Variants in BSG observed in about 807,000 individuals in gnomAD.
BSG encodes the protein basigin (Ok blood group).
A neutral mutation model predicts 43.1 loss-of-function variants in BSG; 37 were observed. The observed-to-expected ratio is 0.86, with a 90% CI of 0.66 to 1.13. BSG has a LOEUF of 1.13. BSG is among the 50% of genes most tolerant of loss of function. The pLI is 0.00. For missense variants in BSG, 599 were observed against 554.2 expected, an observed-to-expected ratio of 1.08 and a Z score of -0.81; for synonymous variants, 309 against 238.7, an observed-to-expected ratio of 1.29 and a Z score of -2.72.
rs2229662 is a variant in BSG, at chr19:579,610, G to A, written c.526G>A (p.Val176Met). 75 of 1,612,390 alleles carry A rather than the reference G, an allele frequency of 4.7e-5. No homozygotes were observed. Among genetic ancestry groups the A allele is most frequent in the African/African-American group, 1.3e-4 (10 of 74,932 alleles). The change falls in exon 3 of 9, where the codon GTG becomes ATG. Residue 176 changes from valine to methionine, a missense_variant. By Grantham distance (21) the Val-to-Met change is conservative. Transcript: ENST00000333511. Reference sequence around the variant, plus strand: ...AGGGCACCGCTGGCTGAAGGGGGGCGTGGTGCTGAAGGAGGACGCGCTGCC... The same window carrying A: ...AGGGCACCGCTGGCTGAAGGGGGGCATGGTGCTGAAGGAGGACGCGCTGCC... ...VTGHRWLKGG[V>M]VLKEDALPGQ...
upstream of BSG, chr19:571,729 A>C (rs1307531829): frequency 1.5e-6 from 1 of 686,630 alleles, no homozygotes; most frequent in Non-Finnish European, 2.7e-6. Flanking sequence ...CGTGGGATGC[A>C]ATCTCCAGAG....
chr19:575,537 T>G (rs1294823459), intron 1 of BSG, among the ~76,000 whole-genome samples: 73 of 74,228 alleles, frequency 9.8e-4, no homozygotes, highest in Admixed American at 2.1e-3. Context: ...CCGGTGGGGG[T>G]GGGTGGGGGA....
chr19:576,166 C>T (rs1981754853), intron 1 of BSG, among the ~76,000 whole-genome samples: 1 of 152,354 alleles, frequency 6.6e-6, no homozygotes, highest in Middle Eastern at 3.4e-3. Context: ...GCGGGCCCCA[C>T]CTGGTCCTCC....
In BSG at chr19:582,597, AGCT is replaced by A; in HGVS notation, c.*5+16_*5+18del. 1 of 569,056 alleles carries A rather than the reference AGCT, an allele frequency of 1.8e-6. No homozygotes were observed. Among genetic ancestry groups the A allele is most frequent in the Non-Finnish European group, 2.4e-6 (1 of 413,918 alleles). The allele number at this position is 569,056 out of a possible 1,614,324, so 35.3% of individuals were successfully genotyped here. On this transcript the variant is annotated intron_variant, in intron 8 of 8. Transcript: ENST00000333511. ...TCCTGAGGCAGGTGCGGTGGGCGGG[AGCT>A]CCTCCTGAGCCAGGTGTGGTGGGTG...
rs943566935 is a variant in BSG at position 582,934 on chromosome 19, C to T, written c.*190C>T. The T allele has an allele frequency of 1.0e-5, 3 of 299,374 alleles. No individual in the cohort carries two copies. The highest frequency in any genetic ancestry group is 9.7e-5 in the Admixed American group (2 of 20,624). The allele number at this position is 299,374 out of a possible 1,614,324, so 18.5% of individuals were successfully genotyped here. ...AGGATTCTGTTCCTTAGGTTTTTTT[C>T]CTTCTGAAGTGTTTCACGAGAGCCC... On this transcript the variant is annotated 3_prime_UTR_variant, in exon 9 of 9. Transcript: ENST00000333511.
upstream of BSG, chr19:572,309 C>A: frequency 1.1e-6 from 1 of 874,754 alleles, no homozygotes; most frequent in Non-Finnish European, 1.4e-6. Flanking sequence ...CACCGCTCTG[C>A]GCTCATTGCA....
At chr19:582,209 G>T in intron 6 of BSG, 97 bp from the exon 7 acceptor site, 2 of 1,535,092 alleles carry the variant, frequency 1.3e-6, no homozygotes, top group Non-Finnish European at 8.8e-7. Flanking sequence ...TGAGGGCAGG[G>T]CTGGCAGCAC....
Position 580,787 on chromosome 19 carries a change from G to A in BSG, c.792+5G>A, listed in dbSNP as rs777800974. ...ATCACTGACTCTGAGGACAAGGTGA[G>A]AAGCCAAGGAGGCTGGGGGTCCTGG... On this transcript the variant is annotated splice_donor_5th_base_variant and intron_variant, in intron 5 of 8. Transcript: ENST00000333511. 2 of 1,612,752 alleles carry A rather than the reference G, an allele frequency of 1.2e-6. No individual in the cohort carries two copies. The highest frequency in any genetic ancestry group is 1.7e-6 in the Non-Finnish European group (2 of 1,179,936).
chr19:580,351 G>C, intron 3 of BSG, 28 bp from the exon 4 acceptor site: 1 of 1,605,052 alleles, frequency 6.2e-7, no homozygotes. Flanking sequence ...GAGCTGGTAC[G>C]CGGCTCACCT....
chr19:578,504 CTG>C lies in BSG; in HGVS notation c.415+387_415+388del, dbSNP rs369996586. Among the ~76,000 whole-genome samples the C allele has an allele frequency of 3.9e-5, 6 of 152,412 alleles. No individual in the cohort carries two copies. The South Asian group carries it at 1.2e-3, about 32-fold the overall frequency. On this transcript the variant is annotated intron_variant, in intron 2 of 8. Coordinates refer to ENST00000333511, the MANE Select transcript of BSG (RefSeq NM_001728.4). ...CCAGGCTTGCAGGTCTCAGAACCTT[CTG>C]TGTCCTTCGCAGCATCTCGTTCTAA... is the stretch of plus-strand genomic sequence containing the variant.
rs1229369202 is a variant in BSG, at chr19:583,482, C to G, written c.*738C>G. The G allele has an allele frequency of 1.3e-5, 2 of 152,214 alleles. No individual in the cohort carries two copies. Among genetic ancestry groups the G allele is most frequent in the African/African-American group, 4.8e-5 (2 of 41,398 alleles). 9.4% of individuals were successfully genotyped at this position (152,214 alleles called of 1,614,324 possible). On this transcript the variant is annotated 3_prime_UTR_variant, in exon 9 of 9. Transcript: ENST00000333511. ...ACCGCCACAATAAAGATCGCCCCCA[C>G]CTCCACCCTCACCCTCTCCTGGCTC... is the stretch of plus-strand genomic sequence containing the variant.
intron 1 of BSG, among the ~76,000 whole-genome samples, chr19:577,253 T>G (rs1262495142): frequency 6.6e-6 from 1 of 152,172 alleles, no homozygotes; most frequent in Non-Finnish European, 1.5e-5. Flanking sequence ...TCCGCCTCTC[T>G]CTGGGTCGCC....
intron 1 of BSG, among the ~76,000 whole-genome samples, chr19:574,356 A>G (rs912473216): frequency 3.9e-5 from 6 of 152,074 alleles, no homozygotes; most frequent in African/African-American, 9.7e-5. Flanking sequence ...GATCAAGACC[A>G]TCGTGGCTAA....
chr19:574,127 C>T lies in BSG; in HGVS notation c.67+1426C>T, dbSNP rs140055452. 2.7e-3 allele frequency among the ~76,000 whole-genome samples: 406 copies of T among 152,060 alleles called. 1 individual carries two copies. The highest frequency in any genetic ancestry group is 9.3e-3 in the African/African-American group (384 of 41,480). On this transcript the variant is annotated intron_variant, in intron 1 of 8. Transcript: ENST00000333511. The stretch of plus-strand genomic sequence containing the variant: ...AAAATTAGCTGGGCGTGTTGGCGCA[C>T]GCCTGTAATCCCAGCCACTCAGGAA...
At chr19:576,172 C>T (rs896177774) in intron 1 of BSG, among the ~76,000 whole-genome samples, 1 of 152,198 alleles carries the variant, frequency 6.6e-6, no homozygotes, top group Non-Finnish European at 1.5e-5. Flanking sequence ...CCCACCTGGT[C>T]CTCCTCACTT....
At chr19:581,700 AGCCCC>A in intron 6 of BSG, 109 bp downstream of exon 6, 1 of 1,375,202 alleles carries the variant, frequency 7.3e-7, no homozygotes, top group South Asian at 1.5e-5. Flanking sequence ...GGAACTGAGG[AGCCCC>A]AGGCAGGGAG....
intron 1 of BSG, among the ~76,000 whole-genome samples, chr19:577,073 G>T (rs937066929): frequency 1.3e-5 from 2 of 152,186 alleles, no homozygotes; most frequent in African/African-American, 4.8e-5. Context: ...CTTCCCCTTG[G>T]GCTGGGCTGT....
intron 1 of BSG, among the ~76,000 whole-genome samples, chr19:573,146 G>A (rs984123192): frequency 5.3e-5 from 8 of 152,170 alleles, no homozygotes; most frequent in African/African-American, 1.7e-4. Context: ...CCAGGAGAAG[G>A]GAGACCCAAA....
At chr19:579,797 C>T in intron 3 of BSG, 141 bp downstream of exon 3, 1 of 1,325,864 alleles carries the variant, frequency 7.5e-7, no homozygotes, top group Non-Finnish European at 1.0e-6. Flanking sequence ...CGCGCAGACC[C>T]CCAGAGGGAA....
Sources: allele counts gnomAD v4.1 joint callset (sites outside exome capture counted in the v4.1 genomes callset), GRCh38; gene constraint gnomAD v4.1.1; transcripts MANE v1.5; gene names NCBI Gene and HGNC (gene_info 2026-07-23, HGNC 2026-07-21).